The following MRPS28 variants were observed in gnomAD, a reference collection of about 807,000 sequenced individuals.
The protein encoded by MRPS28 is mitochondrial ribosomal protein S28, also known as small ribosomal subunit protein bS1m.
MRPS28 carries 7 observed loss-of-function variants against 10.8 expected under a neutral mutation model. The ratio of observed to expected loss-of-function variants is 0.65; its 90% CI spans 0.37 to 1.22. The LOEUF (loss-of-function observed/expected upper bound fraction) is 1.22. Ranked by LOEUF, MRPS28 falls within the 50% of genes most tolerant of loss-of-function variation. The pLI is 0.02. For synonymous variants in MRPS28, 121 were observed against 93.3 expected (o/e 1.30, Z -1.71); for missense variants, 265 against 232.9 (o/e 1.14, Z -0.90).
chr8:79,920,780 C>T (rs1368767852), intron 2 of MRPS28, among the ~76,000 whole-genome samples: 1 of 152,110 alleles, frequency 6.6e-6, no homozygotes, highest in Non-Finnish European at 1.5e-5. Flanking sequence ...TGTGCAGAAG[C>T]GCTTTAGTTT....
intron 2 of MRPS28, among the ~76,000 whole-genome samples, chr8:79,996,956 T>G (rs1446553572): frequency 6.6e-6 from 1 of 152,210 alleles, no homozygotes; most frequent in Non-Finnish European, 1.5e-5. Flanking sequence ...CAGCACATTA[T>G]TTATGCTCAG....
At chr8:79,963,380 T>C (rs114062066) in intron 2 of MRPS28, among the ~76,000 whole-genome samples, 3,538 of 152,132 alleles carry the variant, frequency 0.023, 148 homozygotes, top group African/African-American at 0.08. Context: ...AAAAACCACG[T>C]ATTTTTTTCC....
chr8:80,005,825 G>A (rs555950872), intron 1 of MRPS28, among the ~76,000 whole-genome samples: 5 of 152,174 alleles, frequency 3.3e-5, no homozygotes, highest in Admixed American at 6.5e-5. Flanking sequence ...AAAAGGCAGC[G>A]GTTGCAATCC....
chr8:79,940,911 T>C (rs764958167), intron 2 of MRPS28, among the ~76,000 whole-genome samples: 1 of 152,240 alleles, frequency 6.6e-6, no homozygotes, highest in Non-Finnish European at 1.5e-5. Flanking sequence ...CATTGATTTT[T>C]ATTTCATTAT....
intron 2 of MRPS28, among the ~76,000 whole-genome samples, chr8:79,919,965 G>A (rs767775840): frequency 4.8e-4 from 50 of 104,014 alleles, no homozygotes; most frequent in South Asian, 4.6e-3. Context: ...AACAGGCCCC[G>A]GTGTGTGATG....
intron 2 of MRPS28, among the ~76,000 whole-genome samples, chr8:79,920,717 A>T (rs911074805): frequency 3.3e-5 from 5 of 151,978 alleles, no homozygotes; most frequent in African/African-American, 1.2e-4. Context: ...GATTGCAAAA[A>T]TTTTCTCCCA....
In MRPS28 at chr8:79,987,314, A is replaced by G. The variant is rs574123162; in HGVS notation, c.395+15685T>C. Among the ~76,000 whole-genome samples the G allele has an allele frequency of 1.6e-3, 238 of 152,326 alleles. 3 individuals carry two copies. The highest frequency in any genetic ancestry group is 5.4e-3 in the African/African-American group (223 of 41,574). The stretch of plus-strand genomic sequence containing the variant: ...AGACTTAAATGTTAGACCTAAAACC[A>G]TAAAAACCCTAGAAGAAAACCTAGG... On this transcript the variant is annotated intron_variant, in intron 2 of 2. Coordinates refer to ENST00000276585, the MANE Select transcript of MRPS28 (RefSeq NM_014018.3).
rs575708150 is a variant in MRPS28, at chr8:79,918,994, GTTC to G, written c.547_549del (p.Glu183del). The G allele has an allele frequency of 1.6e-4, 249 of 1,554,706 alleles. 2 individuals are homozygous for G. In the South Asian group the frequency reaches 3.0e-3, roughly 19 times the overall value. On this transcript the variant is annotated inframe_deletion, in exon 3 of 3. Transcript: ENST00000276585. ...GCAAAGTTCATTTATTTTTCATGAT[GTTC>G]TTCTTTCGATCTTGAGTCTTTACTC...
Position 80,004,770 on chromosome 8 carries a change from C to A in MRPS28, c.214-1590G>T, listed in dbSNP as rs566611510. Reference sequence around the variant, plus strand: ...TTAGACAAATGGTTAACTAGAATAACCAATGCAGAGAAGTCCTTAAATGAC... The same window carrying A: ...TTAGACAAATGGTTAACTAGAATAAACAATGCAGAGAAGTCCTTAAATGAC... On this transcript the variant is annotated intron_variant, in intron 1 of 2. Coordinates refer to ENST00000276585, the MANE Select transcript of MRPS28 (RefSeq NM_014018.3). Among the ~76,000 whole-genome samples, 12 of 152,288 alleles carry A rather than the reference C, an allele frequency of 7.9e-5. No homozygotes were observed. The East Asian group carries it at 2.1e-3, about 27-fold the overall frequency.
At chr8:80,012,901 C>T (rs1202972295) in intron 1 of MRPS28, among the ~76,000 whole-genome samples, 1 of 152,130 alleles carries the variant, frequency 6.6e-6, no homozygotes, top group Non-Finnish European at 1.5e-5. Flanking sequence ...GAAACAGGGG[C>T]AACTAGTGCT....
rs534162661 is a variant in MRPS28 at position 79,931,193 on chromosome 8, T to G, written c.396-12045A>C. On this transcript the variant is annotated intron_variant, in intron 2 of 2. Transcript: ENST00000276585. ...GTCTTCACCATTAAGAAGGAATTAG[T>G]AGTTCCTAATAGAAACTCTAACTTT... Among the ~76,000 whole-genome samples the G allele has an allele frequency of 2.0e-5, 3 of 152,342 alleles. No individual in the cohort carries two copies. In the East Asian group the frequency reaches 5.8e-4, roughly 29 times the overall value.
rs185672147 is a variant in MRPS28 at position 79,920,037 on chromosome 8, G to A, written c.396-889C>T. Among the ~76,000 whole-genome samples, 693 of 147,414 alleles carry A rather than the reference G, an allele frequency of 4.7e-3. 8 individuals carry two copies. Among genetic ancestry groups the A allele is most frequent in the African/African-American group, 0.016 (617 of 39,770 alleles). The stretch of plus-strand genomic sequence containing the variant: ...TTCCCACCTATAAGTGAGAACATGC[G>A]GTGTTTGGTTTTTTGTCCTTACGAT... On this transcript the variant is annotated intron_variant, in intron 2 of 2. Coordinates refer to ENST00000276585, the MANE Select transcript of MRPS28 (RefSeq NM_014018.3).
chr8:79,989,826 A>G (rs1404481693), intron 2 of MRPS28, among the ~76,000 whole-genome samples: 3 of 152,150 alleles, frequency 2.0e-5, no homozygotes, highest in Non-Finnish European at 4.4e-5. Context: ...AATTTCTCAT[A>G]TTTCCAATCC....
intron 1 of MRPS28, among the ~76,000 whole-genome samples, chr8:80,025,673 T>C (rs542131321): frequency 6.6e-6 from 1 of 152,174 alleles, no homozygotes; most frequent in African/African-American, 2.4e-5. Context: ...ACATACTAAG[T>C]GCTTATTAAG....
chr8:79,951,091 C>T (rs1807067310), intron 2 of MRPS28, among the ~76,000 whole-genome samples: 1 of 152,172 alleles, frequency 6.6e-6, no homozygotes, highest in African/African-American at 2.4e-5. Context: ...CACTCAGGGC[C>T]TCATGCACAG....
intron 2 of MRPS28, among the ~76,000 whole-genome samples, chr8:79,962,967 G>T (rs1482521506): frequency 6.6e-6 from 1 of 152,008 alleles, no homozygotes; most frequent in Non-Finnish European, 1.5e-5. Flanking sequence ...TGCCATGCCT[G>T]GGGAACACAG....
At chr8:79,981,435 T>C (rs886382926) in intron 2 of MRPS28, among the ~76,000 whole-genome samples, 4 of 152,214 alleles carry the variant, frequency 2.6e-5, no homozygotes, top group Admixed American at 6.5e-5. Context: ...ACTAAAATAT[T>C]TGCAATTGCA....
chr8:79,985,518 T>C (rs1011869053), intron 2 of MRPS28, among the ~76,000 whole-genome samples: 3 of 152,050 alleles, frequency 2.0e-5, no homozygotes, highest in Admixed American at 6.5e-5. Context: ...ACAAAATTGA[T>C]AGACCGCTAG....
At chr8:80,011,773 AC>A (rs1809058281) in intron 1 of MRPS28, among the ~76,000 whole-genome samples, 1 of 152,200 alleles carries the variant, frequency 6.6e-6, no homozygotes, top group Admixed American at 6.5e-5. Flanking sequence ...AAAAACAAAA[AC>A]AAAAAACAAA....
Sources: allele counts gnomAD v4.1 joint callset (sites outside exome capture counted in the v4.1 genomes callset), GRCh38; gene constraint gnomAD v4.1.1; transcripts MANE v1.5; gene names NCBI Gene and HGNC (gene_info 2026-07-23, HGNC 2026-07-21).